Variants in PNPLA1 observed in about 807,000 individuals in gnomAD.
PNPLA1 encodes omega-hydroxyceramide transacylase.
A neutral mutation model predicts 51.7 loss-of-function variants in PNPLA1; 36 were observed. The ratio of observed to expected loss-of-function variants is 0.70; its 90% confidence interval spans 0.53 to 0.92. The LOEUF (loss-of-function observed/expected upper bound fraction) is 0.92, where lower values mean the gene tolerates loss of function less well. Ranked by LOEUF, PNPLA1 falls within the 40% of genes least tolerant of loss-of-function variation. The pLI is 0.00. For synonymous variants in PNPLA1, 293 were observed against 280.1 expected (o/e 1.05, Z -0.46); for missense variants, 658 against 682.5 (o/e 0.96, Z 0.40).
At position 36,284,601 on chromosome 6, in the gene PNPLA1, A is replaced by G. The variant is rs535885422; in HGVS notation, c.206-6719A>G. ...CATCCATCCATCCATCCATCCATCC[A>G]TCCGGCTGACATTTACTGAGGCTCA... On this transcript the variant is annotated intron_variant, in intron 1 of 8. Coordinates refer to ENST00000636260, the MANE Select transcript of PNPLA1 (RefSeq NM_001374623.1). 4.2e-5 allele frequency among the ~76,000 whole-genome samples: 6 copies of G among 142,386 alleles called. No individual in the cohort carries two copies. The East Asian group carries it at 1.2e-3, about 30-fold the overall frequency. 93.4% of individuals were successfully genotyped at this position (142,386 alleles called of 152,430 possible).
rs542326443 is a variant in PNPLA1 at position 36,312,688 on chromosome 6, C to T, written c.*802C>T. Among the ~76,000 whole-genome samples the T allele has an allele frequency of 6.6e-6, 1 of 152,332 alleles. No individual in the cohort carries two copies. The highest frequency in any genetic ancestry group is 2.1e-4 in the South Asian group (1 of 4,830). On this transcript the variant is annotated 3_prime_UTR_variant, in exon 9 of 9. Transcript: ENST00000636260. ...GGGCCCTTTTGAGGACCAGGGGCAA[C>T]ACCTATTCCCAGCCCCGATGGTGCA...
Position 36,307,725 on chromosome 6 carries a change from A to G in PNPLA1, c.1595+13A>G, listed in dbSNP as rs751303522. On this transcript the variant is annotated intron_variant, in intron 8 of 8. Coordinates refer to ENST00000636260, the MANE Select transcript of PNPLA1 (RefSeq NM_001374623.1). ...GCAGCAAAGTGCAGTGAGCATGTCT[A>G]ATGTTCCTTAAATCCCACGGAGAGG... The G allele has an allele frequency of 6.2e-7, 1 of 1,613,448 alleles. No homozygotes were observed. Among genetic ancestry groups the G allele is most frequent in the Non-Finnish European group, 8.5e-7 (1 of 1,179,588 alleles).
intron 8 of PNPLA1, chr6:36,308,671 AC>A (rs1771318446): frequency 1.3e-5 from 2 of 152,230 alleles, no homozygotes; most frequent in South Asian, 2.1e-4. Flanking sequence ...AATCTGATGA[AC>A]TTTGAGTCCC....
At chr6:36,273,452 TG>T (rs1230797759) in intron 1 of PNPLA1, among the ~76,000 whole-genome samples, 1 of 151,736 alleles carries the variant, frequency 6.6e-6, no homozygotes, top group Non-Finnish European at 1.5e-5. Context: ...GCCTTCAGAA[TG>T]GGGGTAGGGT....
chr6:36,293,278 A>C, intron 3 of PNPLA1, 152 bp downstream of exon 3: 1 of 822,332 alleles, frequency 1.2e-6, no homozygotes, highest in Non-Finnish European at 1.9e-6. Flanking sequence ...AGAATTCCCA[A>C]TGTAGGTGGC....
rs116470828 is a variant in PNPLA1, at chr6:36,247,531, G to A, written c.-81+4270G>A. On this transcript the variant is annotated intron_variant, in intron 1 of 7. Transcript: ENST00000312917. ...GCAGCCAAAGAATATCTGGTACATA[G>A]TAAGTGCATATTCATTAAAGTGTAT... 4.6e-3 allele frequency among the ~76,000 whole-genome samples: 696 copies of A among 152,360 alleles called. 7 individuals are homozygous for A. The highest frequency in any genetic ancestry group is 0.016 in the African/African-American group (657 of 41,586).
At chr6:36,301,780 A>G in intron 5 of PNPLA1, 81 bp from the exon 6 acceptor site, 2 of 1,512,116 alleles carry the variant, frequency 1.3e-6, no homozygotes, top group Non-Finnish European at 1.8e-6. Context: ...CCTGTTTAGG[A>G]AAATAACTCA....
chr6:36,303,558 G>A (rs1223901715), intron 6 of PNPLA1, among the ~76,000 whole-genome samples: 1 of 152,336 alleles, frequency 6.6e-6, no homozygotes, highest in African/African-American at 2.4e-5. Context: ...GGGACTGGGT[G>A]TGGTCACTCA....
chr6:36,273,274 T>C (rs1582050267), intron 1 of PNPLA1, among the ~76,000 whole-genome samples: 1 of 137,300 alleles, frequency 7.3e-6, no homozygotes, highest in Admixed American at 8.1e-5. Context: ...AATAAATAAA[T>C]AAATAAATAA....
chr6:36,302,633 G>A (rs1208263092), intron 6 of PNPLA1, among the ~76,000 whole-genome samples, 164 bp downstream of exon 6: 2 of 152,214 alleles, frequency 1.3e-5, no homozygotes, highest in Non-Finnish European at 2.9e-5. Context: ...CCACAAGGGG[G>A]CAGTGTAATA....
In PNPLA1 at chr6:36,291,330, C is replaced by T; in HGVS notation, c.216C>T (p.Leu72=). 2 of 1,613,948 alleles carry T rather than the reference C, an allele frequency of 1.2e-6. No homozygotes were observed. Among genetic ancestry groups the T allele is most frequent in the Non-Finnish European group, 1.7e-6 (2 of 1,179,892 alleles). ...AICGIEMDEY[L]RVLNVGVAEV... ...CTGCTTCCTTTGCAGATGAGTATCT[C>T]AGAGTCCTCAACGTGGGTGTGGCCG... Residue 72 remains leucine, a synonymous_variant, in exon 2 of 9, where the codon CTC becomes CTT. Coordinates refer to ENST00000636260, the MANE Select transcript of PNPLA1 (RefSeq NM_001374623.1).
rs752989735 is a variant in PNPLA1 at position 36,294,300 on chromosome 6, G to A, written c.615G>A (p.Pro205=). The A allele has an allele frequency of 6.2e-6, 10 of 1,614,064 alleles. No homozygotes were observed. The highest frequency in any genetic ancestry group is 4.4e-5 in the South Asian group (4 of 91,092). Residue 205 remains proline (P), a synonymous_variant, in exon 4 of 9, where the codon CCG becomes CCA. Coordinates refer to ENST00000636260, the MANE Select transcript of PNPLA1 (RefSeq NM_001374623.1). The surrounding 1 kb of genome is among the most constrained non-coding windows in gnomAD (Gnocchi z 4.2). ...AGGACATCTGTCCCCGGGACTGCCCGGCCATCTTCCACGACTTCCGCATGT... is the reference window on the plus strand; with the variant it reads ...AGGACATCTGTCCCCGGGACTGCCCAGCCATCTTCCACGACTTCCGCATGT... The part of the protein sequence containing the change: ...GQQDICPRDC[P]AIFHDFRMFN...
chr6:36,289,087 G>T (rs1197336815), intron 1 of PNPLA1, among the ~76,000 whole-genome samples: 1 of 152,210 alleles, frequency 6.6e-6, no homozygotes, highest in Non-Finnish European at 1.5e-5. Flanking sequence ...CCAAATGTTA[G>T]TCTCTAGGAG....
upstream of PNPLA1, among the ~76,000 whole-genome samples, chr6:36,269,003 A>C (rs969976760): frequency 6.6e-6 from 1 of 152,070 alleles, no homozygotes; most frequent in African/African-American, 2.4e-5. Context: ...ACTTTATCTA[A>C]TCTAAAGCTC....
intron 1 of PNPLA1, among the ~76,000 whole-genome samples, chr6:36,258,471 T>A (rs914691255): frequency 6.6e-6 from 1 of 152,236 alleles, no homozygotes; most frequent in African/African-American, 2.4e-5. Flanking sequence ...TCCCCTCCAA[T>A]ATCCATGCCT....
intron 1 of PNPLA1, among the ~76,000 whole-genome samples, chr6:36,248,684 A>C (rs1284174684): frequency 6.6e-6 from 1 of 152,098 alleles, no homozygotes; most frequent in Non-Finnish European, 1.5e-5. Context: ...ATGCCCAGCT[A>C]ATTTTTGTAC....
intron 1 of PNPLA1, among the ~76,000 whole-genome samples, chr6:36,263,258 G>A (rs976458567): frequency 6.6e-6 from 1 of 151,986 alleles, no homozygotes; most frequent in East Asian, 1.9e-4. Context: ...CTGCACACCG[G>A]GAGAGGATAT....
rs114076796 is a variant in PNPLA1 at position 36,289,453 on chromosome 6, G to A, written c.206-1867G>A. Among the ~76,000 whole-genome samples the A allele has an allele frequency of 6.8e-3, 1,039 of 152,246 alleles. 11 individuals are homozygous for A. Among genetic ancestry groups the A allele is most frequent in the African/African-American group, 0.023 (950 of 41,512 alleles). ...CTGCCCTCCCTTGAAGGTAAACACTGTTTACCTCTGTTGGCACATGGTAAG... is the reference window on the plus strand; with the variant it reads ...CTGCCCTCCCTTGAAGGTAAACACTATTTACCTCTGTTGGCACATGGTAAG... On this transcript the variant is annotated intron_variant, in intron 1 of 8. Transcript: ENST00000636260.
intron 1 of PNPLA1, among the ~76,000 whole-genome samples, chr6:36,288,121 G>A (rs765056106): frequency 2.8e-4 from 43 of 152,118 alleles, no homozygotes; most frequent in Admixed American, 1.2e-3. Flanking sequence ...TTAAATATGC[G>A]TGCCTTTGAC....
Sources: gnomAD v4.1 joint callset for allele counts (sites outside exome capture counted in the v4.1 genomes callset) on GRCh38, gnomAD v4.1.1 for gene constraint, Gnocchi (gnomAD v3.1) non-coding constraint, MANE v1.5 for transcripts, NCBI Gene and HGNC (gene_info 2026-07-23, HGNC 2026-07-21) for gene names.